The following MYCBP2 variants were observed in gnomAD, a reference collection of about 807,000 sequenced individuals.
The protein encoded by MYCBP2 is MYC binding protein 2.
MYCBP2 carries 120 observed loss-of-function variants against 525.3 expected under a neutral mutation model. The observed-to-expected ratio is 0.23, with a 90% CI of 0.20 to 0.27. The LOEUF (loss-of-function observed/expected upper bound fraction) is 0.27, where lower values mean the gene tolerates loss of function less well. MYCBP2 is among the 10% of genes least tolerant of loss of function. MYCBP2 has a pLI of 1.00. For missense variants in MYCBP2, 4,149 were observed against 5,657.1 expected (o/e 0.73, Z 8.55); for synonymous variants, 1,894 against 1,955.8 (o/e 0.97, Z 0.83).
chr13:77,266,561 T>C lies in MYCBP2; in HGVS notation c.1357+1280A>G, dbSNP rs943024264. On this transcript the variant is annotated intron_variant, in intron 8 of 82. Transcript: ENST00000544440. The stretch of plus-strand genomic sequence containing the variant: ...GTTCATAGTGTTTATATATGGGAAG[T>C]GGGATTATAATTATTTCAATTCATT... 7.8e-4 allele frequency among the ~76,000 whole-genome samples: 118 copies of C among 151,892 alleles called. 1 individual carries two copies. The highest frequency in any genetic ancestry group is 2.1e-4 in the Non-Finnish European group (14 of 67,902).
At chr13:77,300,485 T>C (rs2078665437) in intron 1 of MYCBP2, among the ~76,000 whole-genome samples, 1 of 152,184 alleles carries the variant, frequency 6.6e-6, no homozygotes, top group South Asian at 2.1e-4. Context: ...CTTTTAAAAA[T>C]GTAAAAACCA....
chr13:77,070,000 T>G (rs1170324353), intron 69 of MYCBP2, among the ~76,000 whole-genome samples: 1 of 152,148 alleles, frequency 6.6e-6, no homozygotes, highest in Non-Finnish European at 1.5e-5. Context: ...CTGGTTATAT[T>G]TAAAAATATT....
chr13:77,232,238 C>A (rs922782404), intron 18 of MYCBP2, among the ~76,000 whole-genome samples: 1 of 152,086 alleles, frequency 6.6e-6, no homozygotes, highest in East Asian at 1.9e-4. Context: ...AGGATCCAAA[C>A]ATTAATTAGA....
intron 55 of MYCBP2, among the ~76,000 whole-genome samples, chr13:77,114,119 T>G (rs1374820240): frequency 2.0e-5 from 3 of 152,152 alleles, no homozygotes; most frequent in Non-Finnish European, 4.4e-5. Context: ...ACATTCACAC[T>G]AACATCTGAA....
At position 77,158,077 on chromosome 13, in the gene MYCBP2, C is replaced by T; in HGVS notation, c.6630G>A (p.Lys2210=). Residue 2210 remains lysine, a synonymous_variant, in exon 45 of 83, where the codon AAG becomes AAA. Coordinates refer to ENST00000544440, the MANE Select transcript of MYCBP2 (RefSeq NM_015057.5). Reference sequence around the variant, plus strand: ...TTGGTGAATGAGAAAGAGCTAGACCCTTTCCAAGAATTCCAGAATGGGTTT... The same window carrying T: ...TTGGTGAATGAGAAAGAGCTAGACCTTTTCCAAGAATTCCAGAATGGGTTT... ...VCKTHSGILG[K]GLALSHSPTI... is the part of the protein sequence containing the mutation. The T allele has an allele frequency of 6.3e-7, 1 of 1,598,662 alleles. No homozygotes were observed. Among genetic ancestry groups the T allele is most frequent in the Non-Finnish European group, 8.5e-7 (1 of 1,174,220 alleles).
At chr13:77,097,027 C>T (rs2046360219) in intron 56 of MYCBP2, among the ~76,000 whole-genome samples, 1 of 152,092 alleles carries the variant, frequency 6.6e-6, no homozygotes, top group African/African-American at 2.4e-5. Flanking sequence ...CAATTCTGAA[C>T]AGGAAAATAG....
Position 77,098,073 on chromosome 13 carries a change from C to T in MYCBP2, c.9081G>A (p.Val3027=), listed in dbSNP as rs138522394. 2.0e-5 allele frequency: 33 copies of T among 1,613,364 alleles called. No homozygotes were observed. Among genetic ancestry groups the T allele is most frequent in the African/African-American group, 4.0e-5 (3 of 74,874 alleles). The change falls in exon 56 of 83, where the codon GTG becomes GTA. Residue 3027 remains valine (V), a synonymous_variant. Coordinates refer to ENST00000544440, the MANE Select transcript of MYCBP2 (RefSeq NM_015057.5). The part of the protein sequence containing the change: ...EPAKQAMSPS[V]AECARAVFAS... The stretch of plus-strand genomic sequence containing the variant: ...CAAACACAGCTCTGGCACATTCGGC[C>T]ACAGAAGGAGACATGGCTTGCTTGG...
In MYCBP2 at chr13:77,309,973, G is replaced by A. The variant is rs550421431; in HGVS notation, c.303-13299C>T. Among the ~76,000 whole-genome samples the A allele has an allele frequency of 1.2e-4, 19 of 152,184 alleles. No individual in the cohort carries two copies. The South Asian group carries it at 2.7e-3, about 22-fold the overall frequency. ...CTAAAAATACAAAAATTAGCTGGGC[G>A]TGGTGGTGGGTGCCTGTAGTCCCTG... On this transcript the variant is annotated intron_variant, in intron 1 of 82. Coordinates refer to ENST00000544440, the MANE Select transcript of MYCBP2 (RefSeq NM_015057.5).
chr13:77,051,364 A>C (rs928625211), intron 81 of MYCBP2, among the ~76,000 whole-genome samples: 1 of 152,264 alleles, frequency 6.6e-6, no homozygotes, highest in Non-Finnish European at 1.5e-5. Context: ...CTGGACAAAG[A>C]TCCAAGTTCT....
At chr13:77,270,116 T>C in intron 6 of MYCBP2, 53 bp from the exon 7 acceptor site, 1 of 1,522,092 alleles carries the variant, frequency 6.6e-7, no homozygotes, top group Non-Finnish European at 8.9e-7. Context: ...TAATAATCAA[T>C]GAAAAATAAT....
chr13:77,128,126 C>T (rs923975881), intron 52 of MYCBP2, among the ~76,000 whole-genome samples: 14 of 151,594 alleles, frequency 9.2e-5, no homozygotes, highest in African/African-American at 3.4e-4. Flanking sequence ...TATATGCAAA[C>T]CTACATGAAT....
At chr13:77,313,213 C>G (rs914163081) in intron 1 of MYCBP2, among the ~76,000 whole-genome samples, 2 of 151,980 alleles carry the variant, frequency 1.3e-5, no homozygotes, top group Non-Finnish European at 2.9e-5. Context: ...AACTAAAGCA[C>G]AGCCCAGATA....
chr13:77,142,771 T>C (rs1289948180), intron 49 of MYCBP2, among the ~76,000 whole-genome samples: 2 of 152,148 alleles, frequency 1.3e-5, no homozygotes, highest in East Asian at 1.9e-4. Flanking sequence ...TCCAAAATGA[T>C]CTAAAATCTA....
At chr13:77,271,246 G>C (rs927506695) in intron 5 of MYCBP2, among the ~76,000 whole-genome samples, 2 of 152,000 alleles carry the variant, frequency 1.3e-5, no homozygotes, top group East Asian at 3.8e-4. Context: ...CTTTTTCCAT[G>C]TGCTTTTTTT....
At chr13:77,212,281 T>A in intron 21 of MYCBP2, 121 bp from the exon 22 acceptor site, 1 of 781,012 alleles carries the variant, frequency 1.3e-6, no homozygotes, top group Non-Finnish European at 1.9e-6. Context: ...CAATTGTTAG[T>A]TTGGGTTTTT....
At chr13:77,229,469 C>T (rs9530626) in intron 18 of MYCBP2, among the ~76,000 whole-genome samples, 25,032 of 152,038 alleles carry the variant, frequency 0.16, 2,350 homozygotes, top group South Asian at 0.4. Flanking sequence ...ATGGTTGAAA[C>T]CTTAAATCCT....
At chr13:77,088,719 A>T in intron 61 of MYCBP2, 113 bp downstream of exon 61, 1 of 833,148 alleles carries the variant, frequency 1.2e-6, no homozygotes. Flanking sequence ...TTAATTGGCT[A>T]ATGCCTTTTA....
At chr13:77,221,575 A>G (rs911523627) in intron 20 of MYCBP2, among the ~76,000 whole-genome samples, 1 of 152,114 alleles carries the variant, frequency 6.6e-6, no homozygotes. Flanking sequence ...CTATTTGCCA[A>G]TTATTTTCTG....
chr13:77,079,002 C>G (rs1325535117), intron 65 of MYCBP2, 113 bp from the exon 66 acceptor site: 1 of 854,638 alleles, frequency 1.2e-6, no homozygotes, highest in Non-Finnish European at 1.9e-6. Flanking sequence ...CTCTTATGGT[C>G]CTTCCTGATT....
Sources: allele counts gnomAD v4.1 joint callset (sites outside exome capture counted in the v4.1 genomes callset), GRCh38; gene constraint gnomAD v4.1.1; transcripts MANE v1.5; gene names NCBI Gene and HGNC (gene_info 2026-07-23, HGNC 2026-07-21).